NCAN: variants seen among roughly 807,000 people sequenced by gnomAD.
The protein encoded by NCAN is neurocan.
In NCAN, 47 loss-of-function variants were observed where a neutral mutation model predicts 121.8. That is an observed-to-expected ratio of 0.39 (90% CI 0.31 to 0.49). The LOEUF (loss-of-function observed/expected upper bound fraction) is 0.49, where lower values mean the gene tolerates loss of function less well. Ranked by LOEUF, NCAN falls within the 20% of genes least tolerant of loss-of-function variation. The probability of loss-of-function intolerance (pLI) is 0.92; values close to 1 mark genes in which losing one functional copy is unlikely to be tolerated. For synonymous variants in NCAN, 633 were observed against 702.0 expected (o/e 0.90, Z 1.55); for missense variants, 1,517 against 1,773.4 (o/e 0.86, Z 2.60).
chr19:19,220,583 G>T (rs539230048), intron 3 of NCAN, among the ~76,000 whole-genome samples: 4 of 149,468 alleles, frequency 2.7e-5, no homozygotes, highest in Admixed American at 6.8e-5. Context: ...TCAGCCTCCT[G>T]AGTAGCTGGG....
rs1204197096 is a variant in NCAN at position 19,216,997 on chromosome 19, A to G, written c.44A>G (p.Gln15Arg). Reference sequence around the variant, plus strand: ...TGGGCCTTGGGCCTTTTGATGCTGCAGATGCTGCTCTTTGTGGCTGGGGAA... The same window carrying G: ...TGGGCCTTGGGCCTTTTGATGCTGCGGATGCTGCTCTTTGTGGCTGGGGAA... The part of the protein sequence containing the change: ...FVWALGLLML[Q>R]MLLFVAGEQG... The change falls in exon 2 of 15, where the codon CAG becomes CGG. Residue 15 changes from glutamine (Q) to arginine (R), a missense_variant. By Grantham distance (43) the Gln-to-Arg change is conservative (BLOSUM62 1). Coordinates refer to ENST00000252575, the MANE Select transcript of NCAN (RefSeq NM_004386.3). The G allele has an allele frequency of 1.5e-6, 2 of 1,311,984 alleles. No individual in the cohort carries two copies. The highest frequency in any genetic ancestry group is 2.0e-6 in the Non-Finnish European group (2 of 1,021,148). The allele number at this position is 1,311,984 out of a possible 1,614,324, so 81.3% of individuals were successfully genotyped here.
At chr19:19,234,087 A>C (rs1023416887) in intron 9 of NCAN, among the ~76,000 whole-genome samples, 182 bp downstream of exon 9, 9 of 152,164 alleles carry the variant, frequency 5.9e-5, no homozygotes, top group Non-Finnish European at 8.8e-5. Context: ...CCAGAATCAA[A>C]CAGCTGAGCT....
chr19:19,227,578 A>C lies in NCAN; in HGVS notation c.1958A>C (p.Glu653Ala), dbSNP rs1257174181. Residue 653 changes from glutamate (E) to alanine (A), a missense_variant, in exon 8 of 15, where the codon GAG (glutamate) becomes GCG (alanine). Transcript: ENST00000252575. This position sits in a 1 kb window ranked among gnomAD's most constrained non-coding sequence, Gnocchi z 4.2. ...MLPHPTPIST[E>A]ANRVEAHGEA... ...CCACACCCCACCCCCATCTCCACCG[A>C]GGCCAATAGAGTTGAGGCACATGGT... 1.2e-6 allele frequency: 2 copies of C among 1,613,810 alleles called. No individual in the cohort carries two copies. The highest frequency in any genetic ancestry group is 2.2e-5 in the South Asian group (2 of 91,080).
At chr19:19,216,294 G>A (rs2060795628) in intron 1 of NCAN, among the ~76,000 whole-genome samples, 1 of 151,650 alleles carries the variant, frequency 6.6e-6, no homozygotes, top group African/African-American at 2.4e-5. Flanking sequence ...GACCACAGGT[G>A]TGCGCCACCA....
intron 11 of NCAN, among the ~76,000 whole-genome samples, chr19:19,239,947 T>C: frequency 8.0e-6 from 1 of 125,266 alleles, no homozygotes. Context: ...TTCCTCTGCC[T>C]CCTCCTTCCA....
intron 12 of NCAN, among the ~76,000 whole-genome samples, chr19:19,241,109 A>C (rs1442659377): frequency 2.0e-5 from 3 of 152,022 alleles, no homozygotes; most frequent in Non-Finnish European, 2.9e-5. Flanking sequence ...TATAAAAATT[A>C]GCTGGGTGTG....
At chr19:19,248,350 C>A (rs1327613978) in intron 13 of NCAN, among the ~76,000 whole-genome samples, 1 of 151,824 alleles carries the variant, frequency 6.6e-6, no homozygotes, top group African/African-American at 2.4e-5. Flanking sequence ...GAGGTTGAGG[C>A]AGGAGAATCA....
chr19:19,240,523 C>G (rs1285780537), intron 11 of NCAN, 80 bp from the exon 12 acceptor site: 1 of 1,398,908 alleles, frequency 7.1e-7, no homozygotes, highest in Non-Finnish European at 1.0e-6. Context: ...CCACACCCTA[C>G]CCCACCTCAC....
At chr19:19,242,704 A>C (rs1032738139) in intron 12 of NCAN, among the ~76,000 whole-genome samples, 1 of 152,224 alleles carries the variant, frequency 6.6e-6, no homozygotes, top group African/African-American at 2.4e-5. Flanking sequence ...ACAAACAAAC[A>C]AACAAAAACT....
intron 12 of NCAN, among the ~76,000 whole-genome samples, chr19:19,241,927 G>A (rs1227323772): frequency 6.6e-6 from 1 of 152,116 alleles, no homozygotes; most frequent in African/African-American, 2.4e-5. Context: ...GGGCACAGTG[G>A]CTCACGCCTA....
At position 19,251,365 on chromosome 19, in the gene NCAN, A is replaced by C. The variant is rs1342107237; in HGVS notation, c.*1454A>C. On this transcript the variant is annotated 3_prime_UTR_variant, in exon 15 of 15. Coordinates refer to ENST00000252575, the MANE Select transcript of NCAN (RefSeq NM_004386.3). ...ACACCATGCTAAAGACTTACATACA[A>C]TCTCCTTGAATCTTCTCAATAGCCC... The C allele has an allele frequency of 6.6e-6, 1 of 152,180 alleles. No individual in the cohort carries two copies. The highest frequency in any genetic ancestry group is 1.5e-5 in the Non-Finnish European group (1 of 68,026). The allele number at this position is 152,180 out of a possible 1,614,324, so 9.4% of individuals were successfully genotyped here. A position where few individuals can be genotyped will look rare whatever the true frequency, so the allele number is the denominator to read the frequency against.
chr19:19,226,558 C>G lies in NCAN; in HGVS notation c.1145C>G (p.Ala382Gly). ...SSGDEGEILS[A>G]EGPPVRELEP... ...GGGGATGAGGGGGAGATTCTGTCAG[C>G]AGAGGGGCCCCCAGTTAGAGAACTG... The change falls in exon 7 of 15, where the codon GCA becomes GGA. Residue 382 changes from alanine (A) to glycine (G), a missense_variant. Coordinates refer to ENST00000252575, the MANE Select transcript of NCAN (RefSeq NM_004386.3). The G allele has an allele frequency of 6.2e-7, 1 of 1,613,548 alleles. No homozygotes were observed.
chr19:19,234,182 C>T (rs1283777967), intron 9 of NCAN, among the ~76,000 whole-genome samples: 1 of 152,110 alleles, frequency 6.6e-6, no homozygotes, highest in African/African-American at 2.4e-5. Flanking sequence ...GAGACTCCTC[C>T]CTGCAAAGGC....
Position 19,221,368 on chromosome 19 carries a change from G to T in NCAN, c.475+2052G>T, listed in dbSNP as rs2060816151. On this transcript the variant is annotated intron_variant, in intron 3 of 14. Coordinates refer to ENST00000252575, the MANE Select transcript of NCAN (RefSeq NM_004386.3). ...GCAGATCATGAGGTCAGGAGTTCGA[G>T]ACCAGCCTGGCCAAGATGGTGAAAC... Among the ~76,000 whole-genome samples the T allele has an allele frequency of 2.6e-5, 4 of 152,166 alleles. No individual in the cohort carries two copies. The South Asian group carries it at 8.3e-4, about 32-fold the overall frequency.
intron 12 of NCAN, 22 bp downstream of exon 12, chr19:19,240,707 C>A (rs377355857): frequency 1.1e-5 from 17 of 1,611,174 alleles, no homozygotes; most frequent in Non-Finnish European, 1.4e-5. Context: ...GGGCTGCGGG[C>A]CTAGGCTGCT....
chr19:19,221,944 C>G (rs2060818293), intron 3 of NCAN, among the ~76,000 whole-genome samples: 1 of 152,104 alleles, frequency 6.6e-6, no homozygotes, highest in Admixed American at 6.6e-5. Flanking sequence ...CAGGGTTTGG[C>G]ACACAGTAGA....
intron 13 of NCAN, among the ~76,000 whole-genome samples, 194 bp from the exon 14 acceptor site, chr19:19,248,506 T>C (rs747793898): frequency 6.6e-6 from 1 of 151,976 alleles, no homozygotes; most frequent in Non-Finnish European, 1.5e-5. Flanking sequence ...GTGCCTGTAA[T>C]CCCAGCTACT....
rs1478980810 is a variant in NCAN, at chr19:19,225,201, G to A, written c.1003G>A (p.Val335Ile). Residue 335 changes from valine to isoleucine, a missense_variant, in exon 6 of 15, where the codon GTC (valine) becomes ATC (isoleucine). Physicochemically the swap from Val to Ile is conservative, Grantham distance 29 (BLOSUM62 3). Transcript: ENST00000252575. The surrounding 1 kb of genome is among the most constrained non-coding windows in gnomAD (Gnocchi z 4.0). The stretch of plus-strand genomic sequence containing the variant: ...GGGCCCAGCCCCGGGCGTGCGCACC[G>A]TCTACCGCTTCGCTAACCGGACCGG... Reference protein sequence around the residue: ...CGGPAPGVRTVYRFANRTGFP... With the variant: ...CGGPAPGVRTIYRFANRTGFP... 2 of 1,566,990 alleles carry A rather than the reference G, an allele frequency of 1.3e-6. No individual in the cohort carries two copies. The highest frequency in any genetic ancestry group is 1.4e-5 in the African/African-American group (1 of 71,434).
chr19:19,230,152 C>G (rs2060852763), intron 8 of NCAN, among the ~76,000 whole-genome samples: 1 of 151,802 alleles, frequency 6.6e-6, no homozygotes, highest in Non-Finnish European at 1.5e-5. Flanking sequence ...TCAAGTGATT[C>G]TCCTGCCTCA....
Sources: gnomAD v4.1 joint callset for allele counts (sites outside exome capture counted in the v4.1 genomes callset) on GRCh38, gnomAD v4.1.1 for gene constraint, Gnocchi (gnomAD v3.1) non-coding constraint, MANE v1.5 for transcripts, NCBI Gene and HGNC (gene_info 2026-07-23, HGNC 2026-07-21) for gene names.